Variants in ST6GALNAC5 observed in about 807,000 individuals in gnomAD.
ST6GALNAC5 encodes the protein alpha-N-acetylgalactosaminide alpha-2,6-sialyltransferase 5.
In ST6GALNAC5, 27 loss-of-function variants were observed where a neutral mutation model predicts 33.6. That is an observed-to-expected ratio of 0.80 (90% CI 0.59 to 1.11). The LOEUF is 1.11. Among genes scored for constraint, ST6GALNAC5 ranks in the 50% least tolerant of loss-of-function variants. ST6GALNAC5 has a pLI of 0.00. For synonymous variants in ST6GALNAC5, 194 were observed against 171.2 expected (o/e 1.13, Z -1.04); for missense variants, 428 against 454.0 (o/e 0.94, Z 0.52).
chr1:76,909,456 G>A (rs1184830669), intron 2 of ST6GALNAC5, among the ~76,000 whole-genome samples: 1 of 152,072 alleles, frequency 6.6e-6, no homozygotes, highest in African/African-American at 2.4e-5. Context: ...CATAGTGACT[G>A]AAATATAGGA....
At chr1:76,928,274 C>T (rs1647104388) in intron 2 of ST6GALNAC5, among the ~76,000 whole-genome samples, 2 of 152,078 alleles carry the variant, frequency 1.3e-5, no homozygotes, top group Admixed American at 6.6e-5. Flanking sequence ...GAATACTGCA[C>T]TTGTATTTTC....
intron 2 of ST6GALNAC5, among the ~76,000 whole-genome samples, chr1:76,893,528 T>C (rs1241020626): frequency 6.6e-6 from 1 of 152,204 alleles, no homozygotes; most frequent in African/African-American, 2.4e-5. Flanking sequence ...ATCCACGTCA[T>C]TGGAATTATT....
Position 76,877,602 on chromosome 1 carries a change from G to T in ST6GALNAC5, c.261+8860G>T, listed in dbSNP as rs189648408. Reference sequence around the variant, plus strand: ...CCCTAGAAATTTTACTGAGGTAGAAGTTCCCTGAATTTTAGTTGGATTTAT... The same window carrying T: ...CCCTAGAAATTTTACTGAGGTAGAATTTCCCTGAATTTTAGTTGGATTTAT... On this transcript the variant is annotated intron_variant, in intron 2 of 4. Coordinates refer to ENST00000477717, the MANE Select transcript of ST6GALNAC5 (RefSeq NM_030965.3). Among the ~76,000 whole-genome samples, 81 of 152,336 alleles carry T rather than the reference G, an allele frequency of 5.3e-4. 1 individual carries two copies. Among genetic ancestry groups the T allele is most frequent in the African/African-American group, 1.8e-3 (76 of 41,574 alleles).
chr1:76,906,972 G>C (rs557282345), intron 2 of ST6GALNAC5, among the ~76,000 whole-genome samples: 48 of 152,124 alleles, frequency 3.2e-4, no homozygotes, highest in African/African-American at 1.2e-3. Context: ...TATCAACCTT[G>C]GATTCTGCCA....
At chr1:76,998,469 A>G (rs932985662) in intron 2 of ST6GALNAC5, among the ~76,000 whole-genome samples, 1 of 152,178 alleles carries the variant, frequency 6.6e-6, no homozygotes, top group Non-Finnish European at 1.5e-5. Context: ...TATGACAATT[A>G]TATTGTATAT....
chr1:77,016,648 A>T (rs757082112), intron 2 of ST6GALNAC5, among the ~76,000 whole-genome samples: 1 of 152,126 alleles, frequency 6.6e-6, no homozygotes, highest in Non-Finnish European at 1.5e-5. Flanking sequence ...TTCATTGTGT[A>T]AACTGAACGC....
chr1:76,889,738 A>G (rs1653974107), intron 2 of ST6GALNAC5, among the ~76,000 whole-genome samples: 1 of 151,930 alleles, frequency 6.6e-6, no homozygotes, highest in African/African-American at 2.4e-5. Context: ...TCTTTCTTTC[A>G]GTTTGCTAAT....
intron 2 of ST6GALNAC5, among the ~76,000 whole-genome samples, chr1:76,952,546 T>A (rs1435739423): frequency 6.6e-6 from 1 of 152,020 alleles, no homozygotes; most frequent in African/African-American, 2.4e-5. Flanking sequence ...AATGAAGATA[T>A]TGAATGGTCT....
chr1:76,935,667 G>A (rs1252588), intron 2 of ST6GALNAC5, among the ~76,000 whole-genome samples: 11 of 151,676 alleles, frequency 7.3e-5, no homozygotes. Context: ...CCCAGTTTTT[G>A]AATAATTGAA....
intron 2 of ST6GALNAC5, among the ~76,000 whole-genome samples, chr1:76,883,822 C>G (rs1468488958): frequency 1.3e-5 from 2 of 152,004 alleles, no homozygotes. Flanking sequence ...TGTTCAGGAC[C>G]CAGGAAGCAA....
chr1:76,948,767 A>G (rs1286038666), intron 2 of ST6GALNAC5, among the ~76,000 whole-genome samples: 1 of 152,000 alleles, frequency 6.6e-6, no homozygotes, highest in Non-Finnish European at 1.5e-5. Flanking sequence ...TGATTTCTTT[A>G]CTCCAAAAAG....
At chr1:76,971,323 A>C (rs929761884) in intron 2 of ST6GALNAC5, among the ~76,000 whole-genome samples, 3 of 152,168 alleles carry the variant, frequency 2.0e-5, no homozygotes, top group Non-Finnish European at 4.4e-5. Context: ...CAGATGCCGG[A>C]TACAGTTCAG....
Position 77,063,257 on chromosome 1 carries a change from G to C in ST6GALNAC5, c.*51G>C. On this transcript the variant is annotated 3_prime_UTR_variant, in exon 5 of 5. Coordinates refer to ENST00000477717, the MANE Select transcript of ST6GALNAC5 (RefSeq NM_030965.3). ...CCAGGTATTCACTGCATCAGACACC[G>C]AGACACTGAACTTCCTGAGCCACCA... 1 of 1,538,656 alleles carries C rather than the reference G, an allele frequency of 6.5e-7. No homozygotes were observed. Among genetic ancestry groups the C allele is most frequent in the Non-Finnish European group, 8.9e-7 (1 of 1,117,990 alleles).
chr1:76,884,231 C>A (rs1476029054), intron 2 of ST6GALNAC5, among the ~76,000 whole-genome samples: 2 of 152,174 alleles, frequency 1.3e-5, no homozygotes, highest in Non-Finnish European at 1.5e-5. Context: ...GATTCTCCAA[C>A]AGAAGGTTTG....
rs1652694158 is a variant in ST6GALNAC5, at chr1:77,064,069, G to T, written c.*863G>T. On this transcript the variant is annotated 3_prime_UTR_variant, in exon 5 of 5. Transcript: ENST00000477717. Reference sequence around the variant, plus strand: ...AAATGCTAACAAGAGAAATTTAAAGGTAGTTTTCTTTAGTAATAATTTATG... The same window carrying T: ...AAATGCTAACAAGAGAAATTTAAAGTTAGTTTTCTTTAGTAATAATTTATG... The T allele has an allele frequency of 6.6e-6, 1 of 152,140 alleles. No homozygotes were observed. Among genetic ancestry groups the T allele is most frequent in the Non-Finnish European group, 1.5e-5 (1 of 68,010 alleles). 9.4% of individuals were successfully genotyped at this position (152,140 alleles called of 1,614,324 possible). A position where few individuals can be genotyped will look rare whatever the true frequency, so the allele number is the denominator to read the frequency against.
intron 2 of ST6GALNAC5, among the ~76,000 whole-genome samples, chr1:76,880,220 C>A (rs1157799792): frequency 6.6e-6 from 1 of 152,156 alleles, no homozygotes; most frequent in East Asian, 1.9e-4. Context: ...TCAGGAGTGT[C>A]AAATGCATTT....
intron 2 of ST6GALNAC5, among the ~76,000 whole-genome samples, chr1:77,027,871 T>G (rs1206684749): frequency 6.6e-6 from 1 of 152,230 alleles, no homozygotes; most frequent in Non-Finnish European, 1.5e-5. Flanking sequence ...TTCAGTATTT[T>G]TACACTTCAA....
intron 2 of ST6GALNAC5, among the ~76,000 whole-genome samples, chr1:76,950,074 G>A (rs559334967): frequency 1.3e-5 from 2 of 152,212 alleles, no homozygotes; most frequent in East Asian, 3.9e-4. Context: ...AATAAGTTCA[G>A]CCTTCTCCTC....
At chr1:77,036,008 A>G (rs760116124) in intron 2 of ST6GALNAC5, among the ~76,000 whole-genome samples, 3 of 152,256 alleles carry the variant, frequency 2.0e-5, no homozygotes, top group Non-Finnish European at 4.4e-5. Context: ...GACAAATCCA[A>G]TGTACATCGA....
Sources: gnomAD v4.1 joint callset for allele counts (sites outside exome capture counted in the v4.1 genomes callset) on GRCh38, gnomAD v4.1.1 for gene constraint, MANE v1.5 for transcripts, NCBI Gene and HGNC (gene_info 2026-07-23, HGNC 2026-07-21) for gene names.